Variants in ENTHD1 observed in about 807,000 individuals in gnomAD.
The protein encoded by ENTHD1 is ENTH domain-containing protein 1.
In ENTHD1, 23 loss-of-function variants were observed where a neutral mutation model predicts 39.1. That is an observed-to-expected ratio of 0.59 (90% CI 0.42 to 0.83). ENTHD1 has a LOEUF of 0.83. Ranked by LOEUF, ENTHD1 falls within the 40% of genes least tolerant of loss-of-function variation. The pLI, the probability that ENTHD1 is intolerant of heterozygous loss-of-function variation, is 0.00. For synonymous variants in ENTHD1, 230 were observed against 258.2 expected (o/e 0.89, Z 1.05); for missense variants, 624 against 705.4 (o/e 0.88, Z 1.31).
intron 6 of ENTHD1, among the ~76,000 whole-genome samples, chr22:39,760,352 C>A (rs546027011): frequency 2.0e-4 from 30 of 152,076 alleles, no homozygotes; most frequent in African/African-American, 6.0e-4. Context: ...GTATATCCCT[C>A]ATGTTTTGGC....
In ENTHD1 at chr22:39,817,919, T is replaced by C. The variant is rs146821457; in HGVS notation, c.832+3074A>G. Among the ~76,000 whole-genome samples, 490 of 152,334 alleles carry C rather than the reference T, an allele frequency of 3.2e-3. 4 individuals are homozygous for C. Among genetic ancestry groups the C allele is most frequent in the African/African-American group, 0.011 (467 of 41,580 alleles). The stretch of plus-strand genomic sequence containing the variant: ...AGATTATATTTTCCAAAGATGACTA[T>C]ACCAACATATGTCTCATCCAATATG... On this transcript the variant is annotated intron_variant, in intron 5 of 6. Transcript: ENST00000325157.
intron 5 of ENTHD1, among the ~76,000 whole-genome samples, chr22:39,767,746 A>G (rs1569132116): frequency 6.6e-6 from 1 of 152,228 alleles, no homozygotes; most frequent in Admixed American, 6.5e-5. Context: ...TGATGAAAAT[A>G]TTCACAATAC....
At chr22:39,793,342 T>G (rs1387196923) in intron 5 of ENTHD1, among the ~76,000 whole-genome samples, 6 of 123,710 alleles carry the variant, frequency 4.9e-5, no homozygotes, top group Non-Finnish European at 8.4e-5. Context: ...TTATTAGTTG[T>G]TTTTTTTTTT....
At chr22:39,794,751 C>T (rs1033145061) in intron 5 of ENTHD1, among the ~76,000 whole-genome samples, 1 of 151,460 alleles carries the variant, frequency 6.6e-6, no homozygotes, top group Non-Finnish European at 1.5e-5. Context: ...TTGCAGTGAG[C>T]CAAGATCGTG....
chr22:39,749,133 A>G (rs560740671), intron 6 of ENTHD1, among the ~76,000 whole-genome samples: 1 of 152,200 alleles, frequency 6.6e-6, no homozygotes, highest in South Asian at 2.1e-4. Context: ...CCGCATACCA[A>G]TTTACTTTTG....
intron 3 of ENTHD1, among the ~76,000 whole-genome samples, chr22:39,854,062 TCA>T (rs976813221): frequency 1.3e-5 from 2 of 152,036 alleles, no homozygotes; most frequent in African/African-American, 4.8e-5. Flanking sequence ...TGGGGTGCAC[TCA>T]CACCCACTCC....
At chr22:39,869,235 T>C (rs946135374) in intron 2 of ENTHD1, among the ~76,000 whole-genome samples, 3 of 152,100 alleles carry the variant, frequency 2.0e-5, no homozygotes, top group Non-Finnish European at 4.4e-5. Context: ...CAATGGTGGA[T>C]TGAATGAAGA....
At chr22:39,863,504 T>C (rs2066160595) in intron 2 of ENTHD1, among the ~76,000 whole-genome samples, 1 of 152,224 alleles carries the variant, frequency 6.6e-6, no homozygotes, top group Non-Finnish European at 1.5e-5. Flanking sequence ...GCACAAGCAG[T>C]ATCTGTATGG....
At chr22:39,835,069 T>C (rs1474145046) in intron 4 of ENTHD1, among the ~76,000 whole-genome samples, 1 of 152,098 alleles carries the variant, frequency 6.6e-6, no homozygotes, top group Non-Finnish European at 1.5e-5. Flanking sequence ...GGGATATAAT[T>C]ACATAGAACC....
chr22:39,757,442 A>T (rs564885491), intron 6 of ENTHD1, among the ~76,000 whole-genome samples: 86 of 151,884 alleles, frequency 5.7e-4, no homozygotes, highest in Admixed American at 3.4e-3. Flanking sequence ...GGCTAAATTT[A>T]AAAAAAATTA....
intron 5 of ENTHD1, among the ~76,000 whole-genome samples, chr22:39,792,196 A>G (rs2065509944): frequency 6.6e-6 from 1 of 152,170 alleles, no homozygotes; most frequent in Non-Finnish European, 1.5e-5. Flanking sequence ...TGCAATGAAC[A>G]TACGTGTACA....
intron 5 of ENTHD1, among the ~76,000 whole-genome samples, chr22:39,768,215 T>G (rs1169751119): frequency 6.6e-6 from 1 of 152,200 alleles, no homozygotes; most frequent in African/African-American, 2.4e-5. Context: ...ACTTTATAGT[T>G]TATATTTGAA....
At chr22:39,748,304 G>GA (rs1006111456) in intron 6 of ENTHD1, among the ~76,000 whole-genome samples, 1 of 150,172 alleles carries the variant, frequency 6.7e-6, no homozygotes, top group Non-Finnish European at 1.5e-5. Flanking sequence ...AAAGTACTAA[G>GA]AAAAGACTCT....
At chr22:39,762,959 T>C (rs1290704990) in intron 6 of ENTHD1, among the ~76,000 whole-genome samples, 1 of 152,164 alleles carries the variant, frequency 6.6e-6, no homozygotes, top group Non-Finnish European at 1.5e-5. Flanking sequence ...TAACTTTTTG[T>C]TGAAAGTCAA....
chr22:39,765,313 C>T lies in ENTHD1; in HGVS notation c.1129G>A (p.Val377Met), dbSNP rs1245588181. Residue 377 changes from valine (V) to methionine (M), a missense_variant, in exon 6 of 7, where the codon GTG (valine) becomes ATG (methionine). Transcript: ENST00000325157. Reference protein sequence around the residue: ...LSPSFKIFDRVKEIVINKAYQ... With the variant: ...LSPSFKIFDRMKEIVINKAYQ... ...GCCTTGTTGATTACAATCTCCTTCACTCGGTCAAATATTTTGAATGAGGGA... is the reference window on the plus strand; with the variant it reads ...GCCTTGTTGATTACAATCTCCTTCATTCGGTCAAATATTTTGAATGAGGGA... 6.2e-7 allele frequency: 1 copy of T among 1,613,758 alleles called. No homozygotes were observed.
intron 5 of ENTHD1, among the ~76,000 whole-genome samples, chr22:39,789,905 T>C (rs1836704480): frequency 6.6e-6 from 1 of 151,990 alleles, no homozygotes; most frequent in South Asian, 2.1e-4. Flanking sequence ...GAGGCCTCAC[T>C]GTTAAGGTGT....
chr22:39,892,632 G>A (rs547543211), intron 1 of ENTHD1, among the ~76,000 whole-genome samples: 6 of 152,206 alleles, frequency 3.9e-5, no homozygotes, highest in Non-Finnish European at 8.8e-5. Context: ...TGAGAATAAG[G>A]AACAGAGGAG....
Position 39,854,807 on chromosome 22 carries a change from TC to T in ENTHD1, c.592+6957del, listed in dbSNP as rs1276939291. ...CATAAAGAAGGGAAGCACAGCTGTT[TC>T]AGCTCTAGGTCCTAAAGGCTGGAAA... On this transcript the variant is annotated intron_variant, in intron 3 of 6. Coordinates refer to ENST00000325157, the MANE Select transcript of ENTHD1 (RefSeq NM_152512.4). 3.9e-5 allele frequency among the ~76,000 whole-genome samples: 6 copies of T among 152,240 alleles called. 1 individual carries two copies. The East Asian group carries it at 1.2e-3, about 29-fold the overall frequency.
At chr22:39,754,607 A>G (rs1489724581) in intron 6 of ENTHD1, among the ~76,000 whole-genome samples, 1 of 152,130 alleles carries the variant, frequency 6.6e-6, no homozygotes, top group Non-Finnish European at 1.5e-5. Flanking sequence ...CTTCCCTCAC[A>G]TCTGACACAT....
Sources: allele counts gnomAD v4.1 joint callset (sites outside exome capture counted in the v4.1 genomes callset), GRCh38; gene constraint gnomAD v4.1.1; transcripts MANE v1.5; gene names NCBI Gene and HGNC (gene_info 2026-07-23, HGNC 2026-07-21).